The following POMT2 variants were observed in gnomAD, a reference collection of about 807,000 sequenced individuals.
POMT2 encodes protein O-mannosyltransferase 2.
In POMT2, 75 loss-of-function variants were observed where a neutral mutation model predicts 100.0. That is an observed-to-expected ratio of 0.75 (90% CI 0.62 to 0.91). POMT2 has a LOEUF of 0.91. POMT2 is among the 40% of genes least tolerant of loss of function. POMT2 has a pLI of 0.00. For synonymous variants in POMT2, 378 were observed against 374.1 expected (o/e 1.01, Z -0.12); for missense variants, 940 against 955.1 (o/e 0.98, Z 0.21).
Position 77,295,502 on chromosome 14 carries a change from G to A in POMT2, c.1116+662C>T, listed in dbSNP as rs1222549874. 2.6e-5 allele frequency among the ~76,000 whole-genome samples: 4 copies of A among 152,008 alleles called. No individual in the cohort carries two copies. In the East Asian group the frequency reaches 7.8e-4, roughly 30 times the overall value. ...GAAAAATTAGCCAGGCGTGGTGGCG[G>A]GTGCCTGTAGTCCCAGCTACTCGGG... is the stretch of plus-strand genomic sequence containing the variant. On this transcript the variant is annotated intron_variant, in intron 9 of 20. Transcript: ENST00000261534.
chr14:77,284,137 T>C (rs1228948042), intron 14 of POMT2: 1 of 484,130 alleles, frequency 2.1e-6, no homozygotes, highest in Non-Finnish European at 3.8e-6. Flanking sequence ...CACCATTGCT[T>C]TTCACTGTGG....
chr14:77,319,241 C>G (rs1032473894), intron 1 of POMT2, among the ~76,000 whole-genome samples: 1 of 152,086 alleles, frequency 6.6e-6, no homozygotes, highest in African/African-American at 2.4e-5. Flanking sequence ...AATCCAGGAC[C>G]CTGGAGGGCA....
intron 4 of POMT2, among the ~76,000 whole-genome samples, chr14:77,304,342 TAA>T (rs1891152136): frequency 6.6e-6 from 1 of 152,124 alleles, no homozygotes; most frequent in African/African-American, 2.4e-5. Context: ...AATCTTAACT[TAA>T]GAGAAGCAAA....
rs1241088359 is a variant in POMT2, at chr14:77,320,578, G to A, written c.104C>T (p.Ala35Val). The A allele has an allele frequency of 2.5e-6, 4 of 1,576,178 alleles. No homozygotes were observed. The highest frequency in any genetic ancestry group is 2.6e-6 in the Non-Finnish European group (3 of 1,168,234). Residue 35 changes from alanine (A) to valine (V), a missense_variant, in exon 1 of 21, where the codon GCT becomes GTT. Coordinates refer to ENST00000261534, the MANE Select transcript of POMT2 (RefSeq NM_013382.7). ...AARAAGRDVA[A>V]EAVARSPKRP... ...TTTGGGGCTTCGCGCCACAGCCTCAGCGGCCACGTCCCGGCCTGCGGCCCT... is the reference window on the plus strand; with the variant it reads ...TTTGGGGCTTCGCGCCACAGCCTCAACGGCCACGTCCCGGCCTGCGGCCCT...
In POMT2 at chr14:77,285,577, A is replaced by G. The variant is rs759017480; in HGVS notation, c.1388T>C (p.Phe463Ser). 1 of 1,614,006 alleles carries G rather than the reference A, an allele frequency of 6.2e-7. No individual in the cohort carries two copies. Among genetic ancestry groups the G allele is most frequent in the Non-Finnish European group, 8.5e-7 (1 of 1,179,870 alleles). ...FWRIEVVNRK[F>S]GNRIKVLRSR... ...TCTCAGCACTTTGATCCGGTTTCCAAATTTCCTGTTTACGACCTCAATCCG... is the reference window on the plus strand; with the variant it reads ...TCTCAGCACTTTGATCCGGTTTCCAGATTTCCTGTTTACGACCTCAATCCG... Residue 463 changes from phenylalanine to serine, a missense_variant, in exon 13 of 21, where the codon TTT becomes TCT. Phe to Ser is a radical substitution (Grantham distance 155). Coordinates refer to ENST00000261534, the MANE Select transcript of POMT2 (RefSeq NM_013382.7).
At chr14:77,316,064 C>T (rs1482223048) in intron 1 of POMT2, among the ~76,000 whole-genome samples, 1 of 152,134 alleles carries the variant, frequency 6.6e-6, no homozygotes. Flanking sequence ...TACTGAGAGC[C>T]ATGCACCAGA....
In POMT2 at chr14:77,320,599, G is replaced by T. The variant is rs901446849; in HGVS notation, c.83C>A (p.Ala28Asp). The change falls in exon 1 of 21, where the codon GCC becomes GAC. Residue 28 changes from alanine to aspartate, a missense_variant. By Grantham distance (126) the Ala-to-Asp change is moderately radical. Transcript: ENST00000261534. ...RGRCGPQAAR[A>D]AGRDVAAEAV... is the part of the protein sequence containing the mutation. The stretch of plus-strand genomic sequence containing the variant: ...CTCAGCGGCCACGTCCCGGCCTGCG[G>T]CCCTAGCAGCCTGGGGGCCACAGCG... 6.3e-7 allele frequency: 1 copy of T among 1,585,622 alleles called. No homozygotes were observed. Among genetic ancestry groups the T allele is most frequent in the African/African-American group, 1.3e-5 (1 of 74,608 alleles).
At chr14:77,315,764 C>T (rs1041789318) in intron 1 of POMT2, among the ~76,000 whole-genome samples, 1 of 152,236 alleles carries the variant, frequency 6.6e-6, no homozygotes, top group Non-Finnish European at 1.5e-5. Flanking sequence ...GTAATCCCAA[C>T]CCTTTGGGAG....
At chr14:77,319,292 T>G (rs1891746463) in intron 1 of POMT2, among the ~76,000 whole-genome samples, 1 of 152,190 alleles carries the variant, frequency 6.6e-6, no homozygotes, top group African/African-American at 2.4e-5. Context: ...ATTCTGCTGC[T>G]TAGAGTCCCA....
At chr14:77,278,030 C>T (rs1353794113) in intron 20 of POMT2, among the ~76,000 whole-genome samples, 1 of 151,958 alleles carries the variant, frequency 6.6e-6, no homozygotes, top group Non-Finnish European at 1.5e-5. Flanking sequence ...TGACAGGGGG[C>T]CATGGTGACT....
rs138488805 is a variant in POMT2 at position 77,277,499 on chromosome 14, T to C, written c.2148-18A>G. ...GGTAGAAGCTGTGAGAGAGAACCAG[T>C]AGGAGGCAGTTGGCACCCCCAGTGC... On this transcript the variant is annotated intron_variant, in intron 20 of 20. Coordinates refer to ENST00000261534, the MANE Select transcript of POMT2 (RefSeq NM_013382.7). 8,243 of 1,580,396 alleles carry C rather than the reference T, an allele frequency of 5.2e-3. 29 individuals carry two copies. Among genetic ancestry groups the C allele is most frequent in the South Asian group, 8.1e-3 (733 of 90,404 alleles).
chr14:77,305,294 T>C (rs1436823150), intron 3 of POMT2, among the ~76,000 whole-genome samples: 1 of 152,220 alleles, frequency 6.6e-6, no homozygotes, highest in East Asian at 1.9e-4. Context: ...AATGTATGTA[T>C]TTTGATTTTG....
intron 20 of POMT2, 35 bp downstream of exon 20, chr14:77,278,359 C>T (rs1336210435): frequency 1.4e-6 from 2 of 1,435,998 alleles, no homozygotes; most frequent in Non-Finnish European, 1.9e-6. Flanking sequence ...GCTGAGCCCA[C>T]ACTGGGAGGG....
intron 13 of POMT2, 170 bp downstream of exon 13, chr14:77,285,311 C>T (rs978785357): frequency 1.7e-5 from 15 of 899,030 alleles, no homozygotes; most frequent in Admixed American, 8.0e-5. Context: ...GAAGCTCCCC[C>T]GGAGTTCTGT....
chr14:77,310,864 G>C (rs146713277), intron 2 of POMT2, among the ~76,000 whole-genome samples: 2,023 of 152,296 alleles, frequency 0.013, 20 homozygotes, highest in Non-Finnish European at 0.019. Context: ...GGCCAGGTGC[G>C]GTGGCTTGCC....
intron 4 of POMT2, among the ~76,000 whole-genome samples, chr14:77,303,498 C>T (rs903419959): frequency 1.3e-5 from 2 of 152,112 alleles, no homozygotes; most frequent in Non-Finnish European, 2.9e-5. Context: ...GTCTCCCTAC[C>T]CATCTAACCT....
At chr14:77,307,708 T>C (rs915363603) in intron 2 of POMT2, among the ~76,000 whole-genome samples, 3 of 152,120 alleles carry the variant, frequency 2.0e-5, no homozygotes, top group Non-Finnish European at 4.4e-5. Flanking sequence ...CTCTGAGCTA[T>C]AGGTAATAAA....
intron 9 of POMT2, among the ~76,000 whole-genome samples, chr14:77,294,806 G>A (rs1890766404): frequency 6.6e-6 from 1 of 152,186 alleles, no homozygotes; most frequent in Non-Finnish European, 1.5e-5. Context: ...GTCTTTATCA[G>A]CAGCATGAAA....
intron 1 of POMT2, 173 bp downstream of exon 1, chr14:77,320,261 C>T: frequency 1.8e-6 from 2 of 1,091,776 alleles, no homozygotes; most frequent in Non-Finnish European, 2.7e-6. Context: ...GCAAAACGAT[C>T]CCCCTCCCAG....
Sources: gnomAD v4.1 joint callset for allele counts (sites outside exome capture counted in the v4.1 genomes callset) on GRCh38, gnomAD v4.1.1 for gene constraint, MANE v1.5 for transcripts, NCBI Gene and HGNC (gene_info 2026-07-23, HGNC 2026-07-21) for gene names.